Variants in MECOM observed in about 807,000 individuals in gnomAD.
MECOM encodes histone-lysine N-methyltransferase MECOM.
A neutral mutation model predicts 116.3 loss-of-function variants in MECOM; 13 were observed. That is an observed-to-expected ratio of 0.11 (90% CI 0.07 to 0.18). The LOEUF is 0.18. Ranked by LOEUF, MECOM falls within the 10% of genes least tolerant of loss-of-function variation. The pLI is 1.00. For missense variants in MECOM, 1,299 were observed against 1,509.0 expected (o/e 0.86, Z 2.31); for synonymous variants, 528 against 535.2 (o/e 0.99, Z 0.19).
chr3:169,644,811 C>CA (rs1773954642), intron 1 of MECOM, among the ~76,000 whole-genome samples: 1 of 152,070 alleles, frequency 6.6e-6, no homozygotes, highest in African/African-American at 2.4e-5. Flanking sequence ...GAGGTTTGTG[C>CA]AAAATTATTA....
chr3:169,424,191 A>G (rs1174106465), intron 1 of MECOM, among the ~76,000 whole-genome samples: 1 of 152,152 alleles, frequency 6.6e-6, no homozygotes, highest in Non-Finnish European at 1.5e-5. Flanking sequence ...GCCTGGCTCA[A>G]GAGCTCAATT....
At chr3:169,533,049 G>C (rs1163781012) in intron 1 of MECOM, among the ~76,000 whole-genome samples, 5 of 152,098 alleles carry the variant, frequency 3.3e-5, no homozygotes, top group Non-Finnish European at 5.9e-5. Context: ...CCCTATTCTT[G>C]TGAAGAAATT....
intron 1 of MECOM, among the ~76,000 whole-genome samples, chr3:169,654,625 T>C (rs919223068): frequency 1.3e-5 from 2 of 152,052 alleles, no homozygotes; most frequent in Non-Finnish European, 2.9e-5. Flanking sequence ...TTGGGTTTAG[T>C]GAGAAATAAG....
chr3:169,343,258 C>CAAGA (rs1724848360), intron 2 of MECOM, among the ~76,000 whole-genome samples: 1 of 152,096 alleles, frequency 6.6e-6, no homozygotes, highest in Non-Finnish European at 1.5e-5. Context: ...GACACTAACT[C>CAAGA]GTTGGGACTT....
intron 1 of MECOM, among the ~76,000 whole-genome samples, chr3:169,623,712 C>G (rs765115209): frequency 6.6e-6 from 1 of 151,908 alleles, no homozygotes; most frequent in Non-Finnish European, 1.5e-5. Flanking sequence ...TCTACTGACC[C>G]TACTTGGCCC....
At chr3:169,345,437 T>A (rs1328360364) in intron 2 of MECOM, among the ~76,000 whole-genome samples, 2 of 152,152 alleles carry the variant, frequency 1.3e-5, no homozygotes, top group Non-Finnish European at 2.9e-5. Flanking sequence ...TCACTTTATG[T>A]GCGTTCATAA....
chr3:169,237,428 A>AT (rs766986275), intron 2 of MECOM, among the ~76,000 whole-genome samples: 1 of 152,108 alleles, frequency 6.6e-6, no homozygotes, highest in Non-Finnish European at 1.5e-5. Context: ...TAAAATTGTT[A>AT]TTTTAAGAGC....
chr3:169,385,103 CA>C (rs751654546), intron 1 of MECOM, among the ~76,000 whole-genome samples: 7,829 of 81,284 alleles, frequency 0.096, 362 homozygotes, highest in Admixed American at 0.26. Context: ...GACCCTGTCT[CA>C]AAAAAAAAAA....
At chr3:169,453,547 A>G (rs931695428) in intron 1 of MECOM, among the ~76,000 whole-genome samples, 1 of 152,180 alleles carries the variant, frequency 6.6e-6, no homozygotes, top group Non-Finnish European at 1.5e-5. Flanking sequence ...TGATTAGGAA[A>G]AGGAGGAGTA....
intron 1 of MECOM, among the ~76,000 whole-genome samples, chr3:169,508,366 A>G (rs949810105): frequency 2.6e-5 from 4 of 152,150 alleles, no homozygotes; most frequent in African/African-American, 7.2e-5. Context: ...ATGACACAAA[A>G]AGGAATTTGA....
At chr3:169,151,503 T>A (rs952202794) in intron 2 of MECOM, among the ~76,000 whole-genome samples, 1 of 152,196 alleles carries the variant, frequency 6.6e-6, no homozygotes, top group East Asian at 1.9e-4. Context: ...TTTAACTCTA[T>A]TTTTTTGTAG....
chr3:169,097,435 A>T (rs1721972204), intron 12 of MECOM, among the ~76,000 whole-genome samples: 1 of 152,216 alleles, frequency 6.6e-6, no homozygotes, highest in South Asian at 2.1e-4. Flanking sequence ...CACATAACAC[A>T]GTCATGGGCA....
At chr3:169,350,315 C>G (rs1726104525) in intron 2 of MECOM, among the ~76,000 whole-genome samples, 2 of 151,950 alleles carry the variant, frequency 1.3e-5, no homozygotes, top group African/African-American at 4.8e-5. Flanking sequence ...TGACCTTGAG[C>G]AAGTAACTGA....
intron 2 of MECOM, chr3:169,146,468 G>T (rs1180762201): frequency 7.2e-7 from 1 of 1,384,502 alleles, no homozygotes; most frequent in Non-Finnish European, 9.6e-7. Context: ...AGCCGGCAGA[G>T]AAACCCACCG....
intron 2 of MECOM, among the ~76,000 whole-genome samples, chr3:169,378,493 GAA>G (rs1731665915): frequency 3.2e-5 from 1 of 30,906 alleles, no homozygotes; most frequent in South Asian, 8.4e-4. Flanking sequence ...GAGAGAGAAA[GAA>G]AGAAAGAAAG....
Position 169,553,632 on chromosome 3 carries a change from G to A in MECOM, c.37+109704C>T, listed in dbSNP as rs192685890. 1.7e-3 allele frequency among the ~76,000 whole-genome samples: 253 copies of A among 152,292 alleles called. 1 individual carries two copies. Among genetic ancestry groups the A allele is most frequent in the Middle Eastern group, 6.8e-3 (2 of 294 alleles). ...ATTACAAAATACTTCACATGGGGTG[G>A]CTTAAACAACAGAAATTTATTTTCT... On this transcript the variant is annotated intron_variant, in intron 1 of 16. Transcript: ENST00000651503.
intron 1 of MECOM, among the ~76,000 whole-genome samples, chr3:169,557,957 T>C (rs1762227079): frequency 6.6e-6 from 1 of 152,358 alleles, no homozygotes. Context: ...TACTGTGAAA[T>C]GAAGTTATAA....
intron 1 of MECOM, among the ~76,000 whole-genome samples, chr3:169,543,078 G>A (rs2109243203): frequency 6.6e-6 from 1 of 152,262 alleles, no homozygotes; most frequent in Non-Finnish European, 1.5e-5. Context: ...ATACCAAAAT[G>A]TGCATTATTT....
chr3:169,661,756 C>G (rs947015906), intron 1 of MECOM, among the ~76,000 whole-genome samples: 3 of 152,208 alleles, frequency 2.0e-5, no homozygotes, highest in Admixed American at 6.5e-5. Flanking sequence ...GGCGTGGATA[C>G]GATACCTACC....
Sources: gnomAD v4.1 joint callset for allele counts (sites outside exome capture counted in the v4.1 genomes callset) on GRCh38, gnomAD v4.1.1 for gene constraint, MANE v1.5 for transcripts, NCBI Gene and HGNC (gene_info 2026-07-23, HGNC 2026-07-21) for gene names.